Variants in NKD1 observed in about 807,000 individuals in gnomAD.
The protein encoded by NKD1 is NKD inhibitor of Wnt signaling pathway 1.
Under a neutral mutation model 56.0 loss-of-function variants are expected in NKD1, and 21 were observed. The ratio of observed to expected loss-of-function variants is 0.38; its 90% CI spans 0.27 to 0.54. The LOEUF is 0.54. Among genes scored for constraint, NKD1 ranks in the 20% least tolerant of loss-of-function variants. The pLI is 0.82. For missense variants in NKD1, 578 were observed against 642.7 expected, an observed-to-expected ratio of 0.90 and a Z score of 1.09; for synonymous variants, 263 against 265.7, an observed-to-expected ratio of 0.99 and a Z score of 0.10.
chr16:50,587,434 A>G (rs949362807), intron 3 of NKD1, among the ~76,000 whole-genome samples: 1 of 152,204 alleles, frequency 6.6e-6, no homozygotes, highest in Non-Finnish European at 1.5e-5. Context: ...TAGGTGTAAT[A>G]CTTCTATTAA....
chr16:50,624,522 A>G (rs1167685374), intron 5 of NKD1, among the ~76,000 whole-genome samples: 3 of 152,200 alleles, frequency 2.0e-5, no homozygotes, highest in African/African-American at 7.2e-5. Flanking sequence ...CATGGGTGTA[A>G]AGGACACCAG....
At chr16:50,577,553 A>G (rs1409200672) in intron 3 of NKD1, among the ~76,000 whole-genome samples, 1 of 152,180 alleles carries the variant, frequency 6.6e-6, no homozygotes, top group Non-Finnish European at 1.5e-5. Flanking sequence ...AAAATTTTAA[A>G]TATATAATGG....
Position 50,637,521 on chromosome 16 carries a change from T to C in NKD1, c.*3740T>C, listed in dbSNP as rs2151282652. ...AGGCAGAGATTGCAGTGAGCTAAGATTGCACCACTGTACTCCAGCCTGGGC... is the reference window on the plus strand; with the variant it reads ...AGGCAGAGATTGCAGTGAGCTAAGACTGCACCACTGTACTCCAGCCTGGGC... On this transcript the variant is annotated 3_prime_UTR_variant, in exon 10 of 10. Transcript: ENST00000268459. The C allele has an allele frequency of 6.6e-6, 1 of 152,168 alleles. No individual in the cohort carries two copies. Among genetic ancestry groups the C allele is most frequent in the East Asian group, 1.9e-4 (1 of 5,172 alleles). 9.4% of individuals were successfully genotyped at this position (152,168 alleles called of 1,614,324 possible). A position where few individuals can be genotyped will look rare whatever the true frequency, so the allele number is the denominator to read the frequency against.
intron 3 of NKD1, among the ~76,000 whole-genome samples, chr16:50,562,862 T>C (rs1319230760): frequency 1.3e-5 from 2 of 151,986 alleles, no homozygotes; most frequent in Non-Finnish European, 2.9e-5. Flanking sequence ...TCTCGCTCCA[T>C]GGTTCTCTCT....
At chr16:50,570,111 C>T (rs753723020) in intron 3 of NKD1, among the ~76,000 whole-genome samples, 19 of 152,012 alleles carry the variant, frequency 1.2e-4, no homozygotes, top group African/African-American at 3.4e-4. Context: ...TCACATGTAA[C>T]GATAGTATTT....
At chr16:50,617,642 G>A (rs1330680786) in intron 4 of NKD1, among the ~76,000 whole-genome samples, 1 of 152,162 alleles carries the variant, frequency 6.6e-6, no homozygotes, top group African/African-American at 2.4e-5. Flanking sequence ...GAGGGACAGG[G>A]AGCAGTTTCC....
chr16:50,617,341 T>C (rs1332875312), intron 4 of NKD1, among the ~76,000 whole-genome samples: 1 of 149,558 alleles, frequency 6.7e-6, no homozygotes, highest in African/African-American at 2.6e-5. Flanking sequence ...GTCTTTGATC[T>C]CAGCGGAGGA....
At chr16:50,555,172 C>G (rs1311675917) in intron 3 of NKD1, among the ~76,000 whole-genome samples, 3 of 152,068 alleles carry the variant, frequency 2.0e-5, no homozygotes, top group African/African-American at 7.2e-5. Context: ...GACCGAGGCC[C>G]CAGGCTCAAG....
chr16:50,568,215 C>G (rs2151265916), intron 3 of NKD1, among the ~76,000 whole-genome samples: 1 of 152,290 alleles, frequency 6.6e-6, no homozygotes, highest in Non-Finnish European at 1.5e-5. Flanking sequence ...TTAACCATCT[C>G]TGGGGATTTG....
At chr16:50,610,348 C>T (rs981663390) in intron 4 of NKD1, among the ~76,000 whole-genome samples, 1 of 152,156 alleles carries the variant, frequency 6.6e-6, no homozygotes, top group African/African-American at 2.4e-5. Flanking sequence ...GCCCTTAAGA[C>T]CCCATGAGGG....
intron 5 of NKD1, 148 bp downstream of exon 5, chr16:50,621,856 A>G: frequency 3.1e-6 from 2 of 642,908 alleles, no homozygotes; most frequent in East Asian, 2.8e-5. Flanking sequence ...TCCTTCTGCC[A>G]CATCTGGGGC....
chr16:50,581,255 T>C (rs983315177), intron 3 of NKD1, among the ~76,000 whole-genome samples: 1 of 152,180 alleles, frequency 6.6e-6, no homozygotes, highest in African/African-American at 2.4e-5. Flanking sequence ...TGTGAAACAA[T>C]TGCTGCAACT....
At chr16:50,550,208 G>A (rs923439706) in intron 3 of NKD1, among the ~76,000 whole-genome samples, 6 of 152,086 alleles carry the variant, frequency 3.9e-5, no homozygotes, top group Admixed American at 2.6e-4. Flanking sequence ...GAATGAGTGA[G>A]TCCAGCCCCA....
chr16:50,600,317 T>A (rs1596732555), intron 3 of NKD1, among the ~76,000 whole-genome samples: 2 of 151,412 alleles, frequency 1.3e-5, no homozygotes, highest in African/African-American at 4.8e-5. Flanking sequence ...CAAAAAGTTT[T>A]AAAAAATTAG....
At chr16:50,616,373 T>G (rs1961960624) in intron 4 of NKD1, among the ~76,000 whole-genome samples, 1 of 152,210 alleles carries the variant, frequency 6.6e-6, no homozygotes, top group Non-Finnish European at 1.5e-5. Context: ...CACCAGGCCT[T>G]TCTGGATTGT....
chr16:50,612,193 C>A (rs183328783), intron 4 of NKD1, among the ~76,000 whole-genome samples: 2 of 152,330 alleles, frequency 1.3e-5, no homozygotes, highest in Non-Finnish European at 2.9e-5. Flanking sequence ...AGCAGGTGAC[C>A]CCTCCCTCCG....
Position 50,634,078 on chromosome 16 carries a change from G to A in NKD1, c.*297G>A. Reference sequence around the variant, plus strand: ...GGATCTGCAGCATCTATGTGGATCAGCCCACACCCTTCCCAGAGCCAGGGA... The same window carrying A: ...GGATCTGCAGCATCTATGTGGATCAACCCACACCCTTCCCAGAGCCAGGGA... On this transcript the variant is annotated 3_prime_UTR_variant, in exon 10 of 10. Coordinates refer to ENST00000268459, the MANE Select transcript of NKD1 (RefSeq NM_033119.5). 1 of 266,312 alleles carries A rather than the reference G, an allele frequency of 3.8e-6. No individual in the cohort carries two copies. The highest frequency in any genetic ancestry group is 7.0e-6 in the Non-Finnish European group (1 of 143,456). The allele number at this position is 266,312 out of a possible 1,614,324, so 16.5% of individuals were successfully genotyped here.
rs1038838705 is a variant in NKD1 at position 50,636,280 on chromosome 16, A to G, written c.*2499A>G. 6.6e-6 allele frequency: 1 copy of G among 152,186 alleles called. No homozygotes were observed. The highest frequency in any genetic ancestry group is 1.5e-5 in the Non-Finnish European group (1 of 68,042). The allele number at this position is 152,186 out of a possible 1,614,324, so 9.4% of individuals were successfully genotyped here. ...CCCTGGAGGCCAGCCCGGAGTTGAG[A>G]CTACTGGTTTTAGAGCAGTTCCTCT... On this transcript the variant is annotated 3_prime_UTR_variant, in exon 10 of 10. Coordinates refer to ENST00000268459, the MANE Select transcript of NKD1 (RefSeq NM_033119.5).
chr16:50,551,683 G>GTGGAATC (rs941253887), intron 3 of NKD1: 4 of 152,180 alleles, frequency 2.6e-5, no homozygotes, highest in Non-Finnish European at 4.4e-5. Flanking sequence ...GTGATTTCAG[G>GTGGAATC]TGGAATCTGG....
Sources: allele counts gnomAD v4.1 joint callset (sites outside exome capture counted in the v4.1 genomes callset), GRCh38; gene constraint gnomAD v4.1.1; transcripts MANE v1.5; gene names NCBI Gene and HGNC (gene_info 2026-07-23, HGNC 2026-07-21).